The following SSBP3 variants were observed in gnomAD, a reference collection of about 807,000 sequenced individuals.
SSBP3 encodes the protein single-stranded DNA-binding protein 3.
In SSBP3, 5 loss-of-function variants were observed where a neutral mutation model predicts 69.6. The observed-to-expected ratio is 0.07, with a 90% CI of 0.04 to 0.15. The LOEUF (loss-of-function observed/expected upper bound fraction) is 0.15, where lower values mean the gene tolerates loss of function less well. SSBP3 is among the 10% of genes least tolerant of loss of function. The pLI is 1.00. For missense variants in SSBP3, 312 were observed against 534.0 expected (o/e 0.58, Z 4.10); for synonymous variants, 196 against 193.4 (o/e 1.01, Z -0.11).
intron 4 of SSBP3, among the ~76,000 whole-genome samples, chr1:54,323,368 G>A (rs189815393): frequency 9.3e-4 from 142 of 152,292 alleles, no homozygotes; most frequent in Non-Finnish European, 9.1e-4. Context: ...CAGGCCTCTC[G>A]AATCCCAAGA....
At chr1:54,343,656 G>C (rs767489032) in intron 4 of SSBP3, among the ~76,000 whole-genome samples, 6 of 152,162 alleles carry the variant, frequency 3.9e-5, no homozygotes, top group Non-Finnish European at 5.9e-5. Flanking sequence ...TCAGAGAGGA[G>C]GGCAATGAAT....
At chr1:54,241,621 G>A in intron 11 of SSBP3, 112 bp from the exon 12 acceptor site, 1 of 1,162,682 alleles carries the variant, frequency 8.6e-7, no homozygotes, top group Non-Finnish European at 1.3e-6. Context: ...GCCACCCAGT[G>A]AGCTGGCCAC....
chr1:54,387,391 C>A (rs1490262160), intron 4 of SSBP3, among the ~76,000 whole-genome samples: 3 of 152,202 alleles, frequency 2.0e-5, no homozygotes, highest in Admixed American at 6.5e-5. Context: ...TTCCAACTAA[C>A]CCTTTCAACT....
intron 3 of SSBP3, among the ~76,000 whole-genome samples, chr1:54,402,998 C>G (rs986022027): frequency 6.6e-6 from 1 of 152,212 alleles, no homozygotes; most frequent in Non-Finnish European, 1.5e-5. Flanking sequence ...TGCAAGTCAT[C>G]AGACAAGCAT....
At chr1:54,326,550 TC>T (rs1361223219) in intron 4 of SSBP3, 1 of 152,132 alleles carries the variant, frequency 6.6e-6, no homozygotes, top group East Asian at 1.9e-4. Context: ...TCAAAGCTCT[TC>T]CTTGACGCAG....
rs1645370827 is a variant in SSBP3, at chr1:54,280,516, G to A, written c.366+922C>T. 2.6e-5 allele frequency among the ~76,000 whole-genome samples: 4 copies of A among 152,188 alleles called. No individual in the cohort carries two copies. The South Asian group carries it at 8.3e-4, about 32-fold the overall frequency. ...TCTTTCCATGTTCTTATCTGGGAGT[G>A]CCAATCTTTCAAAAGGTGTGGAGAA... On this transcript the variant is annotated intron_variant, in intron 5 of 17. Transcript: ENST00000610401.
chr1:54,294,572 G>A (rs1179963162), intron 4 of SSBP3, among the ~76,000 whole-genome samples: 2 of 152,186 alleles, frequency 1.3e-5, no homozygotes, highest in African/African-American at 4.8e-5. Context: ...CAGAGCTGGG[G>A]CCCTGTTCTC....
At chr1:54,226,240 G>GTC (rs1644283054) in exon 18 of SSBP3, 1 of 118,930 alleles carries the variant, frequency 8.4e-6, no homozygotes, top group Non-Finnish European at 1.8e-5. Context: ...GTCCAGGAGA[G>GTC]GAGGAGGGTG....
At chr1:54,279,298 T>A (rs538094375) in intron 5 of SSBP3, among the ~76,000 whole-genome samples, 50 of 152,178 alleles carry the variant, frequency 3.3e-4, no homozygotes, top group African/African-American at 1.1e-3. Context: ...AGGACAGGAA[T>A]CAGTCTTGGC....
intron 4 of SSBP3, among the ~76,000 whole-genome samples, chr1:54,317,316 C>A (rs1465362657): frequency 6.6e-6 from 1 of 152,172 alleles, no homozygotes; most frequent in African/African-American, 2.4e-5. Context: ...GCGGGCAGAT[C>A]GCTTGAGCAC....
chr1:54,293,974 T>A, intron 4 of SSBP3, among the ~76,000 whole-genome samples: 1 of 151,336 alleles, frequency 6.6e-6, no homozygotes, highest in African/African-American at 2.4e-5. Context: ...CCATCTCTAC[T>A]AAAAATACAA....
intron 5 of SSBP3, among the ~76,000 whole-genome samples, chr1:54,277,180 GA>G (rs1645303504): frequency 6.7e-6 from 1 of 148,160 alleles, no homozygotes; most frequent in South Asian, 2.4e-4. Context: ...TGGCAAAGAG[GA>G]TATGTACCAC....
intron 5 of SSBP3, among the ~76,000 whole-genome samples, chr1:54,271,445 C>A (rs1358514360): frequency 3.9e-5 from 6 of 152,206 alleles, no homozygotes; most frequent in Non-Finnish European, 5.9e-5. Flanking sequence ...ATCCTCACCA[C>A]AGCTCCAAAA....
At position 54,288,219 on chromosome 1, in the gene SSBP3, T is replaced by C. The variant is rs576148445; in HGVS notation, c.277-6692A>G. Among the ~76,000 whole-genome samples, 32 of 151,660 alleles carry C rather than the reference T, an allele frequency of 2.1e-4. No individual in the cohort carries two copies. In the South Asian group the frequency reaches 3.8e-3, roughly 18 times the overall value. ...CCTGGGGATTATTAAGACAAAAGAG[T>C]CCTGCACTGAGGGTCCCAGGATCAG... On this transcript the variant is annotated intron_variant, in intron 4 of 17. Transcript: ENST00000610401.
At chr1:54,290,762 C>T (rs764618970) in intron 4 of SSBP3, among the ~76,000 whole-genome samples, 4 of 152,206 alleles carry the variant, frequency 2.6e-5, no homozygotes, top group Non-Finnish European at 4.4e-5. Flanking sequence ...TGGCACAGGA[C>T]GCAGGTCCCA....
chr1:54,310,974 C>T (rs1192809482), intron 4 of SSBP3, among the ~76,000 whole-genome samples: 4 of 152,202 alleles, frequency 2.6e-5, no homozygotes, highest in African/African-American at 9.7e-5. Context: ...CGCAGGTCCC[C>T]ACCCACAATC....
At chr1:54,396,557 T>G (rs1309000803) in intron 4 of SSBP3, among the ~76,000 whole-genome samples, 1 of 152,052 alleles carries the variant, frequency 6.6e-6, no homozygotes, top group African/African-American at 2.4e-5. Flanking sequence ...CCAGGCACCC[T>G]TGACTAGGGT....
At chr1:54,340,235 A>T (rs947031125) in intron 4 of SSBP3, among the ~76,000 whole-genome samples, 3 of 152,232 alleles carry the variant, frequency 2.0e-5, no homozygotes, top group Non-Finnish European at 4.4e-5. Flanking sequence ...TCAAAAAGAA[A>T]CACCCTGCAC....
At chr1:54,291,676 C>T (rs1015388409) in intron 4 of SSBP3, among the ~76,000 whole-genome samples, 1 of 152,194 alleles carries the variant, frequency 6.6e-6, no homozygotes, top group Non-Finnish European at 1.5e-5. Flanking sequence ...TCATCAGAGT[C>T]ATTAATTGAT....
Sources: gnomAD v4.1 joint callset for allele counts (sites outside exome capture counted in the v4.1 genomes callset) on GRCh38, gnomAD v4.1.1 for gene constraint, MANE v1.5 for transcripts, NCBI Gene and HGNC (gene_info 2026-07-23, HGNC 2026-07-21) for gene names.